KIAA1217: variants seen among roughly 807,000 people sequenced by gnomAD.
KIAA1217 encodes sickle tail protein homolog.
Under a neutral mutation model 163.9 loss-of-function variants are expected in KIAA1217, and 88 were observed. The observed-to-expected ratio is 0.54, with a 90% CI of 0.45 to 0.64. The LOEUF (loss-of-function observed/expected upper bound fraction) is 0.64, where lower values mean the gene tolerates loss of function less well. Among genes scored for constraint, KIAA1217 ranks in the 30% least tolerant of loss-of-function variants. The probability of loss-of-function intolerance (pLI) is 0.00; values close to 1 mark genes in which losing one functional copy is unlikely to be tolerated. For synonymous variants in KIAA1217, 903 were observed against 923.1 expected (o/e 0.98, Z 0.39); for missense variants, 2,372 against 2,475.0 (o/e 0.96, Z 0.88).
chr10:24,191,032 C>T (rs1403260259), intron 2 of KIAA1217, among the ~76,000 whole-genome samples: 1 of 151,830 alleles, frequency 6.6e-6, no homozygotes, highest in Non-Finnish European at 1.5e-5. Context: ...CATCTGTATA[C>T]AAAATACAAA....
intron 5 of KIAA1217, among the ~76,000 whole-genome samples, chr10:24,445,733 G>C (rs2060875304): frequency 6.6e-6 from 1 of 151,824 alleles, no homozygotes; most frequent in Admixed American, 6.6e-5. Context: ...TGGCTGCATA[G>C]TATTCCATGG....
At chr10:23,982,825 A>G (rs1845828353) in intron 1 of KIAA1217, among the ~76,000 whole-genome samples, 1 of 151,534 alleles carries the variant, frequency 6.6e-6, no homozygotes, top group Non-Finnish European at 1.5e-5. Context: ...CAGCCTCCCA[A>G]CGTGCTAGGA....
At chr10:23,746,029 G>T (rs915034541) in intron 1 of KIAA1217, among the ~76,000 whole-genome samples, 2 of 152,132 alleles carry the variant, frequency 1.3e-5, no homozygotes, top group East Asian at 3.8e-4. Flanking sequence ...ACTTATTGCT[G>T]CCATTTGTTT....
intron 2 of KIAA1217, among the ~76,000 whole-genome samples, chr10:24,095,885 C>G (rs193111153): frequency 6.6e-6 from 1 of 152,140 alleles, no homozygotes; most frequent in Non-Finnish European, 1.5e-5. Flanking sequence ...ATGGTAGGAT[C>G]GCTTGAGGTC....
At position 24,271,686 on chromosome 10, in the gene KIAA1217, GAGGCTGC is replaced by G. The variant is rs2076783673; in HGVS notation, c.354+51780_354+51786del. On this transcript the variant is annotated intron_variant, in intron 2 of 20. Coordinates refer to ENST00000376454, the MANE Select transcript of KIAA1217 (RefSeq NM_019590.5). ...AGGATCACCTGAGCCTGGGGAGGTT[GAGGCTGC>G]AGTGTGTCGAGATTGTGCCACTGCA... 3.3e-5 allele frequency among the ~76,000 whole-genome samples: 5 copies of G among 152,056 alleles called. No individual in the cohort carries two copies. The South Asian group carries it at 1.0e-3, about 32-fold the overall frequency.
Position 24,433,066 on chromosome 10 carries a change from A to G in KIAA1217, c.625A>G (p.Thr209Ala). ...RMPNEITSAD[T>A]IRALFVSAFP... The stretch of plus-strand genomic sequence containing the variant: ...GCCGAATGAAATCACAAGTGCAGAC[A>G]CAATCCGTGCTCTCTTCGTAAGTGC... The change falls in exon 4 of 21, where the codon ACA becomes GCA. Residue 209 changes from threonine (T) to alanine (A), a missense_variant. By Grantham distance (58) the Thr-to-Ala change is moderately conservative. This residue lies in a region of KIAA1217 where 1,431 missense variants were observed against 1,470.3 expected (regional missense o/e 0.97). Coordinates refer to ENST00000376454, the MANE Select transcript of KIAA1217 (RefSeq NM_019590.5). The G allele has an allele frequency of 6.2e-7, 1 of 1,614,182 alleles. No individual in the cohort carries two copies. Among genetic ancestry groups the G allele is most frequent in the Non-Finnish European group, 8.5e-7 (1 of 1,180,040 alleles).
intron 2 of KIAA1217, among the ~76,000 whole-genome samples, chr10:24,279,451 ATGTAAC>A (rs1322446171): frequency 6.6e-6 from 1 of 152,120 alleles, no homozygotes; most frequent in Non-Finnish European, 1.5e-5. Flanking sequence ...AGATATTATC[ATGTAAC>A]TGGGAGATAT....
At chr10:23,878,665 A>G (rs1457102285) in intron 1 of KIAA1217, among the ~76,000 whole-genome samples, 1 of 151,938 alleles carries the variant, frequency 6.6e-6, no homozygotes, top group Non-Finnish European at 1.5e-5. Context: ...CAGCATAGTC[A>G]GACAAAGCCT....
At chr10:23,869,530 A>T (rs1840361171) in intron 1 of KIAA1217, among the ~76,000 whole-genome samples, 1 of 152,054 alleles carries the variant, frequency 6.6e-6, no homozygotes, top group Admixed American at 6.6e-5. Flanking sequence ...TGCATTATTT[A>T]TACATGGGCA....
intron 2 of KIAA1217, among the ~76,000 whole-genome samples, chr10:24,277,813 G>T (rs1049098296): frequency 5.9e-5 from 9 of 152,084 alleles, no homozygotes; most frequent in Non-Finnish European, 1.2e-4. Flanking sequence ...TGTCCTAATC[G>T]CAGCATGAGA....
At chr10:24,185,151 G>A (rs183909707) in intron 2 of KIAA1217, among the ~76,000 whole-genome samples, 1,613 of 152,180 alleles carry the variant, frequency 0.011, 9 homozygotes, top group Middle Eastern at 0.048. Context: ...GCTAAAGAGG[G>A]AACTCTCAGA....
upstream of KIAA1217, among the ~76,000 whole-genome samples, chr10:24,204,946 T>C (rs2067465122): frequency 6.6e-6 from 1 of 152,220 alleles, no homozygotes; most frequent in Admixed American, 6.5e-5. Context: ...TTCTTTGTTT[T>C]TCACTTTGTT....
At chr10:23,846,484 T>G in intron 1 of KIAA1217, among the ~76,000 whole-genome samples, 1 of 152,188 alleles carries the variant, frequency 6.6e-6, no homozygotes, top group East Asian at 1.9e-4. Context: ...TTTTATTCTC[T>G]TTGTAGTAAT....
At chr10:24,069,706 A>G (rs1210628696) in intron 2 of KIAA1217, among the ~76,000 whole-genome samples, 1 of 152,210 alleles carries the variant, frequency 6.6e-6, no homozygotes, top group African/African-American at 2.4e-5. Context: ...GGAATTTTAC[A>G]AAGGGAATTA....
chr10:24,397,279 A>G (rs930145932), intron 3 of KIAA1217, among the ~76,000 whole-genome samples: 1 of 151,992 alleles, frequency 6.6e-6, no homozygotes, highest in African/African-American at 2.4e-5. Context: ...TAATAGAGAC[A>G]GGATTTCACT....
At chr10:23,753,767 A>G (rs1005595381) in intron 1 of KIAA1217, among the ~76,000 whole-genome samples, 125 of 152,350 alleles carry the variant, frequency 8.2e-4, no homozygotes, top group African/African-American at 2.9e-3. Flanking sequence ...TTTATCAATG[A>G]AAAGTAATTA....
chr10:23,772,815 G>C (rs182864469), intron 1 of KIAA1217, among the ~76,000 whole-genome samples: 146 of 152,238 alleles, frequency 9.6e-4, no homozygotes, highest in African/African-American at 3.3e-3. Flanking sequence ...CACATCCCTG[G>C]CATACAAGCA....
At chr10:24,426,814 G>A (rs2059210830) in intron 3 of KIAA1217, among the ~76,000 whole-genome samples, 1 of 152,210 alleles carries the variant, frequency 6.6e-6, no homozygotes, top group Non-Finnish European at 1.5e-5. Context: ...GGATGAATGT[G>A]CACCGTAAGA....
chr10:24,312,622 C>G (rs1419829379), intron 2 of KIAA1217, among the ~76,000 whole-genome samples: 3 of 151,506 alleles, frequency 2.0e-5, no homozygotes, highest in Non-Finnish European at 4.4e-5. Context: ...CATTTCAAAA[C>G]CAAACAAAAA....
Sources: gnomAD v4.1 joint callset for allele counts (sites outside exome capture counted in the v4.1 genomes callset) on GRCh38, gnomAD v4.1.1 for gene constraint, gnomAD v4.1.1 regional missense constraint, MANE v1.5 for transcripts, NCBI Gene and HGNC (gene_info 2026-07-23, HGNC 2026-07-21) for gene names.